The following OCA2 variants were observed in gnomAD, a reference collection of about 807,000 sequenced individuals.
The protein encoded by OCA2 is P protein.
OCA2 carries 77 observed loss-of-function variants against 100.2 expected under a neutral mutation model. That is an observed-to-expected ratio of 0.77 (90% CI 0.64 to 0.93). The LOEUF (loss-of-function observed/expected upper bound fraction) is 0.93, where lower values mean the gene tolerates loss of function less well. OCA2 is among the 40% of genes least tolerant of loss of function. The pLI, the probability that OCA2 is intolerant of heterozygous loss-of-function variation, is 0.00. For synonymous variants in OCA2, 432 were observed against 439.2 expected (o/e 0.98, Z 0.21); for missense variants, 1,062 against 1,089.1 (o/e 0.98, Z 0.35).
At chr15:27,719,032 G>A in the OCA2 span, among the ~76,000 whole-genome samples, 1 of 152,060 alleles carries the variant, frequency 6.6e-6, no homozygotes, top group Non-Finnish European at 1.5e-5. Context: ...ACATTGTATT[G>A]TATTGGCCCA....
chr15:28,083,594 G>A (rs1240973553), intron 1 of OCA2, among the ~76,000 whole-genome samples: 1 of 152,202 alleles, frequency 6.6e-6, no homozygotes, highest in African/African-American at 2.4e-5. Context: ...CCACGCATGA[G>A]CTAAATGTTT....
At chr15:27,917,360 A>ATACT (rs1314125853) in intron 19 of OCA2, among the ~76,000 whole-genome samples, 1 of 152,148 alleles carries the variant, frequency 6.6e-6, no homozygotes, top group Non-Finnish European at 1.5e-5. Flanking sequence ...GGTATTAAGT[A>ATACT]ATTTGTCTAA....
intron 23 of OCA2, among the ~76,000 whole-genome samples, chr15:27,784,251 G>A (rs1025486731): frequency 3.3e-5 from 5 of 152,288 alleles, no homozygotes; most frequent in East Asian, 1.9e-4. Context: ...CAGGCAAACC[G>A]GTTCCACCCT....
the OCA2 span, among the ~76,000 whole-genome samples, chr15:27,722,632 CCTTT>C: frequency 1.1e-5 from 1 of 87,544 alleles, no homozygotes; most frequent in Admixed American, 1.2e-4. Context: ...TCCCTTCCTT[CCTTT>C]CCTTCCTTCC....
At chr15:27,912,472 C>T (rs910433308) in intron 19 of OCA2, among the ~76,000 whole-genome samples, 8 of 151,994 alleles carry the variant, frequency 5.3e-5, no homozygotes, top group African/African-American at 1.5e-4. Context: ...AAATGGACAC[C>T]GAAGCTGCTC....
intron 18 of OCA2, among the ~76,000 whole-genome samples, chr15:27,945,369 G>A (rs1283573212): frequency 2.6e-5 from 4 of 152,240 alleles, no homozygotes; most frequent in East Asian, 1.9e-4. Flanking sequence ...GGCTGAAATC[G>A]AGGTCCTATA....
chr15:27,753,066 G>A (rs539923550), downstream of OCA2, among the ~76,000 whole-genome samples: 1 of 152,154 alleles, frequency 6.6e-6, no homozygotes, highest in African/African-American at 2.4e-5. Flanking sequence ...GGCAGTAAAG[G>A]TAGCATGGGG....
At chr15:27,725,184 A>AAC in the OCA2 span, among the ~76,000 whole-genome samples, 2 of 152,234 alleles carry the variant, frequency 1.3e-5, no homozygotes, top group South Asian at 4.1e-4. Context: ...TACAGGAGCC[A>AAC]ACAGCTAAAC....
chr15:28,067,762 G>C (rs1437440020), intron 2 of OCA2, among the ~76,000 whole-genome samples: 4 of 152,176 alleles, frequency 2.6e-5, no homozygotes, highest in Non-Finnish European at 5.9e-5. Context: ...TGAGAATGTG[G>C]TCAATCTTAG....
intron 15 of OCA2, among the ~76,000 whole-genome samples, chr15:27,963,784 G>T (rs1209787652): frequency 6.6e-6 from 1 of 151,760 alleles, no homozygotes; most frequent in Non-Finnish European, 1.5e-5. Context: ...TATTAAAAGA[G>T]AAAAAAATTG....
intron 22 of OCA2, among the ~76,000 whole-genome samples, chr15:27,850,991 TAG>T (rs1171583417): frequency 3.3e-5 from 5 of 152,216 alleles, no homozygotes; most frequent in African/African-American, 7.2e-5. Flanking sequence ...TCTTATGGGT[TAG>T]AGTCTCCCCT....
At chr15:27,942,510 G>A (rs2039684721) in intron 18 of OCA2, among the ~76,000 whole-genome samples, 1 of 151,958 alleles carries the variant, frequency 6.6e-6, no homozygotes, top group Non-Finnish European at 1.5e-5. Context: ...GGGGAAAGGG[G>A]GGAAGCAGTG....
chr15:27,873,586 C>A (rs542097823), intron 19 of OCA2, among the ~76,000 whole-genome samples: 9 of 152,286 alleles, frequency 5.9e-5, no homozygotes, highest in Admixed American at 2.6e-4. Flanking sequence ...ATATGCCCCC[C>A]ACATGCACAC....
At chr15:27,851,233 T>A in intron 22 of OCA2, 149 bp downstream of exon 22, 1 of 742,046 alleles carries the variant, frequency 1.3e-6, no homozygotes, top group South Asian at 1.5e-5. Context: ...CTGGAATTGC[T>A]CTGTCAAAGC....
At chr15:28,005,898 C>G (rs1469829551) in intron 9 of OCA2, among the ~76,000 whole-genome samples, 1 of 152,190 alleles carries the variant, frequency 6.6e-6, no homozygotes, top group Non-Finnish European at 1.5e-5. Flanking sequence ...GCATGACAGA[C>G]ATCTGTTCAC....
At chr15:27,832,282 C>T (rs1232493211) in intron 23 of OCA2, among the ~76,000 whole-genome samples, 1 of 152,222 alleles carries the variant, frequency 6.6e-6, no homozygotes, top group African/African-American at 2.4e-5. Flanking sequence ...CAGGCTCTAA[C>T]CTGGCCTCCC....
At position 27,795,313 on chromosome 15, in the gene OCA2, G is replaced by A. The variant is rs533938931; in HGVS notation, c.2433-39841C>T. On this transcript the variant is annotated intron_variant, in intron 23 of 23. Transcript: ENST00000354638. ...TGGCCTTTTCACAGTAACTATTTTG[G>A]ACATGTTTTTGTGTCTTTCTCTTTG... Among the ~76,000 whole-genome samples the A allele has an allele frequency of 2.0e-5, 3 of 152,106 alleles. No homozygotes were observed. In the South Asian group the frequency reaches 6.2e-4, roughly 32 times the overall value.
intron 19 of OCA2, among the ~76,000 whole-genome samples, chr15:27,886,175 A>G (rs2037216437): frequency 6.6e-6 from 1 of 152,206 alleles, no homozygotes. Flanking sequence ...GAGGCAGGAA[A>G]TTATATGTAA....
intron 19 of OCA2, among the ~76,000 whole-genome samples, chr15:27,910,189 AATTATGAC>A (rs2038333279): frequency 6.6e-6 from 1 of 152,240 alleles, no homozygotes; most frequent in Non-Finnish European, 1.5e-5. Flanking sequence ...CAAAATGAAA[AATTATGAC>A]ATTCTGTCAG....
Sources: gnomAD v4.1 joint callset for allele counts (sites outside exome capture counted in the v4.1 genomes callset) on GRCh38, gnomAD v4.1.1 for gene constraint, MANE v1.5 for transcripts, NCBI Gene and HGNC (gene_info 2026-07-23, HGNC 2026-07-21) for gene names.